Variants in SEMA6A observed in about 807,000 individuals in gnomAD.
The protein encoded by SEMA6A is semaphorin-6A.
A neutral mutation model predicts 96.8 loss-of-function variants in SEMA6A; 25 were observed. The observed-to-expected ratio is 0.26, with a 90% CI of 0.19 to 0.36. The LOEUF (loss-of-function observed/expected upper bound fraction) is 0.36. SEMA6A is among the 10% of genes least tolerant of loss of function. The pLI, the probability that SEMA6A is intolerant of heterozygous loss-of-function variation, is 1.00. For synonymous variants in SEMA6A, 612 were observed against 518.0 expected, an observed-to-expected ratio of 1.18 and a Z score of -2.46; for missense variants, 1,363 against 1,323.1, an observed-to-expected ratio of 1.03 and a Z score of -0.47.
intron 1 of SEMA6A, among the ~76,000 whole-genome samples, chr5:116,523,024 G>A (rs1371627406): frequency 6.6e-6 from 1 of 152,144 alleles, no homozygotes; most frequent in Non-Finnish European, 1.5e-5. Flanking sequence ...GTGTGGAGAG[G>A]TGCCCACTGT....
At chr5:116,497,440 AT>A in intron 3 of SEMA6A, 53 bp from the exon 4 acceptor site, 1 of 1,110,202 alleles carries the variant, frequency 9.0e-7, no homozygotes, top group South Asian at 1.4e-5. Context: ...AAAACAGTTC[AT>A]TTTCTGCTTA....
chr5:116,530,764 C>G (rs1759433067), intron 1 of SEMA6A, among the ~76,000 whole-genome samples: 1 of 152,120 alleles, frequency 6.6e-6, no homozygotes. Flanking sequence ...TATTACCTTT[C>G]TTAATCAGTG....
intron 5 of SEMA6A, 106 bp downstream of exon 5, chr5:116,496,145 A>G: frequency 1.0e-6 from 1 of 954,330 alleles, no homozygotes; most frequent in South Asian, 1.5e-5. Context: ...TTACTGAGGG[A>G]AAAAGGAAAA....
intron 1 of SEMA6A, among the ~76,000 whole-genome samples, chr5:116,512,264 G>A (rs866165395): frequency 5.7e-4 from 86 of 152,150 alleles, no homozygotes; most frequent in African/African-American, 1.6e-3. Context: ...CAGGAACCAC[G>A]AGGGCCGCCT....
intron 1 of SEMA6A, among the ~76,000 whole-genome samples, chr5:116,544,416 G>T (rs1760099467): frequency 6.6e-6 from 1 of 151,824 alleles, no homozygotes. Flanking sequence ...TCAGCCTCCC[G>T]AGTAGCTGAG....
At chr5:116,471,024 C>G (rs1305292875) in intron 17 of SEMA6A, among the ~76,000 whole-genome samples, 1 of 152,146 alleles carries the variant, frequency 6.6e-6, no homozygotes, top group Non-Finnish European at 1.5e-5. Context: ...AAATTAACAT[C>G]CCTTGCAATG....
intron 1 of SEMA6A, among the ~76,000 whole-genome samples, chr5:116,522,236 T>G (rs1269889917): frequency 6.7e-6 from 1 of 149,060 alleles, no homozygotes; most frequent in Non-Finnish European, 1.5e-5. Flanking sequence ...TTGACAATAT[T>G]TTTCTTGTGC....
At chr5:116,566,614 G>C (rs985885989) in intron 1 of SEMA6A, among the ~76,000 whole-genome samples, 3 of 152,184 alleles carry the variant, frequency 2.0e-5, no homozygotes, top group African/African-American at 7.2e-5. Flanking sequence ...AAAACATAAT[G>C]GTAGCAGGGA....
chr5:116,563,379 T>A (rs1370310547), intron 1 of SEMA6A, among the ~76,000 whole-genome samples: 1 of 152,226 alleles, frequency 6.6e-6, no homozygotes, highest in Non-Finnish European at 1.5e-5. Flanking sequence ...TGATATTTCA[T>A]TCTTTGTATG....
At chr5:116,573,968 G>A (rs1370024620) in intron 1 of SEMA6A, among the ~76,000 whole-genome samples, 1 of 151,688 alleles carries the variant, frequency 6.6e-6, no homozygotes, top group Non-Finnish European at 1.5e-5. Context: ...TCGACGTGGA[G>A]CCGGACGCAC....
intron 3 of SEMA6A, among the ~76,000 whole-genome samples, chr5:116,501,569 G>A (rs1487884448): frequency 6.6e-6 from 1 of 152,134 alleles, no homozygotes; most frequent in Non-Finnish European, 1.5e-5. Flanking sequence ...TATAATACAT[G>A]TTTACACATT....
At chr5:116,534,404 C>T (rs1269733753) in intron 1 of SEMA6A, among the ~76,000 whole-genome samples, 4 of 152,194 alleles carry the variant, frequency 2.6e-5, no homozygotes, top group African/African-American at 9.7e-5. Context: ...TGCTCAGCTC[C>T]GGAGAGCTCA....
intron 18 of SEMA6A, among the ~76,000 whole-genome samples, chr5:116,452,380 G>C (rs139170570): frequency 1.3e-4 from 20 of 151,308 alleles, no homozygotes; most frequent in African/African-American, 4.6e-4. Flanking sequence ...CTGAAATCAT[G>C]TCTTAAATTG....
At position 116,497,107 on chromosome 5, in the gene SEMA6A, T is replaced by C. The variant is rs553727579; in HGVS notation, c.279+220A>G. 7.0e-4 allele frequency among the ~76,000 whole-genome samples: 106 copies of C among 152,362 alleles called. 2 individuals are homozygous for C. The South Asian group carries it at 0.021, about 31-fold the overall frequency. ...AAATTATGTAAAACTTCAAAATGTATATGTACACATATATTTGATGAATAA... is the reference window on the plus strand; with the variant it reads ...AAATTATGTAAAACTTCAAAATGTACATGTACACATATATTTGATGAATAA... On this transcript the variant is annotated intron_variant, in intron 4 of 18. Transcript: ENST00000343348.
intron 1 of SEMA6A, among the ~76,000 whole-genome samples, chr5:116,542,486 C>T (rs1283981278): frequency 6.6e-6 from 1 of 152,082 alleles, no homozygotes; most frequent in Non-Finnish European, 1.5e-5. Flanking sequence ...TTAATGGGGT[C>T]CAGAGAATAT....
chr5:116,455,953 G>A (rs1335651620), intron 18 of SEMA6A, among the ~76,000 whole-genome samples: 11 of 152,170 alleles, frequency 7.2e-5, no homozygotes, highest in Admixed American at 7.2e-4. Context: ...ACACAAAGCA[G>A]TTGGCATTGT....
At chr5:116,528,388 C>A (rs1395150924) in intron 1 of SEMA6A, among the ~76,000 whole-genome samples, 1 of 152,176 alleles carries the variant, frequency 6.6e-6, no homozygotes, top group Admixed American at 6.6e-5. Context: ...TGCCCAGCCC[C>A]ATCCTCATTC....
At chr5:116,560,338 A>G (rs1760771851) in intron 1 of SEMA6A, among the ~76,000 whole-genome samples, 1 of 152,186 alleles carries the variant, frequency 6.6e-6, no homozygotes, top group Non-Finnish European at 1.5e-5. Context: ...GTGGGCCGAC[A>G]GTAGGTACAC....
intron 18 of SEMA6A, among the ~76,000 whole-genome samples, chr5:116,465,567 C>A (rs1561473480): frequency 6.6e-6 from 1 of 152,166 alleles, no homozygotes; most frequent in Admixed American, 6.5e-5. Context: ...ACCTCTGCCA[C>A]CATTGTTTGA....
Sources: gnomAD v4.1 joint callset for allele counts (sites outside exome capture counted in the v4.1 genomes callset) on GRCh38, gnomAD v4.1.1 for gene constraint, MANE v1.5 for transcripts, NCBI Gene and HGNC (gene_info 2026-07-23, HGNC 2026-07-21) for gene names.